Variants in PRKACB observed in about 807,000 individuals in gnomAD.
PRKACB encodes cAMP-dependent protein kinase catalytic subunit beta.
Under a neutral mutation model 51.4 loss-of-function variants are expected in PRKACB, and 16 were observed. The ratio of observed to expected loss-of-function variants is 0.31; its 90% confidence interval spans 0.21 to 0.47. The LOEUF (loss-of-function observed/expected upper bound fraction) is 0.47. PRKACB is among the 20% of genes least tolerant of loss of function. The pLI is 1.00. For synonymous variants in PRKACB, 147 were observed against 154.4 expected (o/e 0.95, Z 0.35); for missense variants, 309 against 464.5 (o/e 0.67, Z 3.08).
rs1031550874 is a variant in PRKACB at position 84,188,563 on chromosome 1, CAAT to C, written c.560+3384_560+3386del. Among the ~76,000 whole-genome samples the C allele has an allele frequency of 1.4e-3, 215 of 151,580 alleles. 1 individual carries two copies. The highest frequency in any genetic ancestry group is 4.8e-3 in the African/African-American group (197 of 41,382). ...TTCTATTTTATCTAGCATTTTAAGA[CAAT>C]AACCAGAATTATGAATAACGTTAAT... On this transcript the variant is annotated intron_variant, in intron 5 of 9. Transcript: ENST00000370685.
intron 6 of PRKACB, among the ~76,000 whole-genome samples, chr1:84,197,036 A>C (rs1461447070): frequency 6.6e-6 from 1 of 152,178 alleles, no homozygotes. Flanking sequence ...CACTTGTTTT[A>C]CATGTATTAT....
intron 6 of PRKACB, 118 bp from the exon 7 acceptor site, chr1:84,197,610 AT>A (rs576879026): frequency 2.0e-4 from 127 of 638,290 alleles, no homozygotes; most frequent in African/African-American, 1.8e-3. Flanking sequence ...CGTGGACTTA[AT>A]TTTTTTTCCA....
At chr1:84,089,007 CA>C (rs1373746692) in intron 1 of PRKACB, among the ~76,000 whole-genome samples, 1 of 152,106 alleles carries the variant, frequency 6.6e-6, no homozygotes. Flanking sequence ...CCTTTGAGTC[CA>C]TTTTGGAAAT....
At chr1:84,100,290 G>A (rs989511119) in intron 1 of PRKACB, among the ~76,000 whole-genome samples, 7 of 152,206 alleles carry the variant, frequency 4.6e-5, no homozygotes, top group African/African-American at 1.2e-4. Flanking sequence ...TTCCCACTGG[G>A]TCCCTCCCTC....
intron 7 of PRKACB, among the ~76,000 whole-genome samples, chr1:84,198,742 A>G (rs1050206367): frequency 5.9e-5 from 9 of 151,358 alleles, no homozygotes; most frequent in African/African-American, 2.2e-4. Context: ...GAAAATACAG[A>G]AAAACATAAA....
At chr1:84,115,830 C>T (rs1273575735) in intron 1 of PRKACB, among the ~76,000 whole-genome samples, 3 of 127,780 alleles carry the variant, frequency 2.3e-5, no homozygotes, top group East Asian at 2.4e-4. Context: ...TGTGGTGAGC[C>T]GAGATCGTGC....
At chr1:84,142,681 A>G (rs948142579), upstream of PRKACB, among the ~76,000 whole-genome samples, 3 of 152,216 alleles carry the variant, frequency 2.0e-5, no homozygotes, top group African/African-American at 7.2e-5. Flanking sequence ...ACTGTTATTC[A>G]CACATAATAT....
intron 1 of PRKACB, among the ~76,000 whole-genome samples, chr1:84,107,969 C>T (rs1206918606): frequency 6.6e-6 from 1 of 152,028 alleles, no homozygotes; most frequent in Non-Finnish European, 1.5e-5. Flanking sequence ...CCCAGCAATC[C>T]CACCAGGTAT....
chr1:84,232,256 T>C (rs1235350462), intron 9 of PRKACB, among the ~76,000 whole-genome samples: 1 of 151,756 alleles, frequency 6.6e-6, no homozygotes, highest in African/African-American at 2.4e-5. Flanking sequence ...AATCCTGAGT[T>C]CTAGTTTGAT....
At chr1:84,174,468 C>T (rs1660576496) in intron 1 of PRKACB, among the ~76,000 whole-genome samples, 1 of 151,846 alleles carries the variant, frequency 6.6e-6, no homozygotes, top group Non-Finnish European at 1.5e-5. Context: ...GTAAGCTTCT[C>T]ATTTCCTTAA....
chr1:84,132,342 G>C (rs1271850391), intron 1 of PRKACB, among the ~76,000 whole-genome samples: 2 of 152,074 alleles, frequency 1.3e-5, no homozygotes, highest in African/African-American at 4.8e-5. Flanking sequence ...CAAACATAAG[G>C]ATACTAGAGG....
intron 1 of PRKACB, among the ~76,000 whole-genome samples, chr1:84,079,724 G>A (rs562524830): frequency 1.3e-5 from 2 of 152,264 alleles, no homozygotes; most frequent in East Asian, 3.9e-4. Context: ...GGAGTGCAAT[G>A]GTGCAATCTT....
chr1:84,159,314 T>G (rs1223579762), intron 1 of PRKACB, among the ~76,000 whole-genome samples: 3 of 152,100 alleles, frequency 2.0e-5, no homozygotes, highest in African/African-American at 7.2e-5. Flanking sequence ...TTTAATTTCT[T>G]TAGCGTTCCA....
intron 8 of PRKACB, among the ~76,000 whole-genome samples, chr1:84,208,136 G>A (rs1671616770): frequency 6.6e-6 from 1 of 152,144 alleles, no homozygotes; most frequent in Admixed American, 6.5e-5. Flanking sequence ...TCAAATTACT[G>A]GGAGTAGTAA....
At chr1:84,145,169 C>T (rs893722577) in intron 1 of PRKACB, among the ~76,000 whole-genome samples, 1 of 152,052 alleles carries the variant, frequency 6.6e-6, no homozygotes, top group Non-Finnish European at 1.5e-5. Context: ...GAATCACATT[C>T]TTTCAGGCAT....
intron 1 of PRKACB, among the ~76,000 whole-genome samples, chr1:84,171,435 T>C (rs1659434933): frequency 6.6e-6 from 1 of 151,538 alleles, no homozygotes; most frequent in Non-Finnish European, 1.5e-5. Flanking sequence ...ATGCAGAACT[T>C]AACAAAATTA....
At chr1:84,225,927 G>A (rs1052262513) in intron 9 of PRKACB, among the ~76,000 whole-genome samples, 1 of 152,124 alleles carries the variant, frequency 6.6e-6, no homozygotes, top group African/African-American at 2.4e-5. Context: ...TCTCTTAGAG[G>A]CTTTATTCAA....
At chr1:84,172,491 CCCCAGATGGAGAGCTGTTGGGA>C (rs1362285294) in intron 1 of PRKACB, among the ~76,000 whole-genome samples, 3 of 151,532 alleles carry the variant, frequency 2.0e-5, no homozygotes, top group Non-Finnish European at 3.0e-5. Context: ...TCCATAGCAT[CCCCAGATGGAGAGCTGTTGGGA>C]GAGAAGGCAT....
rs569145388 is a variant in PRKACB at position 84,182,369 on chromosome 1, A to G, written c.378+41A>G. 2.7e-5 allele frequency: 40 copies of G among 1,457,940 alleles called. No homozygotes were observed. The South Asian group carries it at 6.2e-4, about 22-fold the overall frequency. 90.3% of individuals were successfully genotyped at this position (1,457,940 alleles called of 1,614,324 possible). ...GTTATTTACCTTCAGGGTAAACTTT[A>G]GTTTTATCAGCTAGACTATTAAACA... On this transcript the variant is annotated intron_variant, in intron 3 of 9. Transcript: ENST00000370685.
Sources: allele counts gnomAD v4.1 joint callset (sites outside exome capture counted in the v4.1 genomes callset), GRCh38; gene constraint gnomAD v4.1.1; transcripts MANE v1.5; gene names NCBI Gene and HGNC (gene_info 2026-07-23, HGNC 2026-07-21).